The following TMEM167A variants were observed in gnomAD, a reference collection of about 807,000 sequenced individuals.
TMEM167A encodes the protein transmembrane protein 167A.
In TMEM167A, 8 loss-of-function variants were observed where a neutral mutation model predicts 11.6. The ratio of observed to expected loss-of-function variants is 0.69; its 90% CI spans 0.40 to 1.24. The LOEUF (loss-of-function observed/expected upper bound fraction) is 1.24, where lower values mean the gene tolerates loss of function less well. Among genes scored for constraint, TMEM167A ranks in the 50% most tolerant of loss-of-function variants. The pLI, the probability that TMEM167A is intolerant of heterozygous loss-of-function variation, is 0.01. For synonymous variants in TMEM167A, 22 were observed against 28.0 expected, an observed-to-expected ratio of 0.79 and a Z score of 0.67; for missense variants, 62 against 87.0, an observed-to-expected ratio of 0.71 and a Z score of 1.14.
chr5:83,060,292 C>T (rs926810648), intron 3 of TMEM167A, among the ~76,000 whole-genome samples: 55 of 151,764 alleles, frequency 3.6e-4, no homozygotes, highest in Non-Finnish European at 8.8e-5. Context: ...AAATGTCAAA[C>T]GTAGAAAAAA....
Position 83,064,963 on chromosome 5 carries a change from T to C in TMEM167A, c.113+45A>G, listed in dbSNP as rs1393033608. 2 of 1,104,366 alleles carry C rather than the reference T, an allele frequency of 1.8e-6. 1 individual carries two copies. Among genetic ancestry groups the C allele is most frequent in the South Asian group, 2.7e-5 (2 of 73,334 alleles). The allele number at this position is 1,104,366 out of a possible 1,614,324, so 68.4% of individuals were successfully genotyped here. On this transcript the variant is annotated intron_variant, in intron 2 of 3. Transcript: ENST00000502346. ...TTTATATGTTAACTTACATTGAACA[T>C]TTGTAAGAACTAATTTGGGTGATTA...
rs765151924 is a variant in TMEM167A, at chr5:83,077,324, A to T, written c.-1T>A. The T allele has an allele frequency of 3.7e-6, 6 of 1,614,136 alleles. No individual in the cohort carries two copies. Among genetic ancestry groups the T allele is most frequent in the Middle Eastern group, 1.6e-4 (1 of 6,062 alleles). On this transcript the variant is annotated 5_prime_UTR_variant, in exon 1 of 4. Transcript: ENST00000502346. ...ACCTGGGAGCCCCACTTCTTACCATAGCGAGGCCGGCGATGCCGCAGCCAC... is the reference window on the plus strand; with the variant it reads ...ACCTGGGAGCCCCACTTCTTACCATTGCGAGGCCGGCGATGCCGCAGCCAC...
rs1744310634 is a variant in TMEM167A at position 83,055,188 on chromosome 5, A to G, written c.*1896T>C. 1 of 152,150 alleles carries G rather than the reference A, an allele frequency of 6.6e-6. No individual in the cohort carries two copies. The highest frequency in any genetic ancestry group is 3.4e-3 in the Middle Eastern group (1 of 294). 9.4% of individuals were successfully genotyped at this position (152,150 alleles called of 1,614,324 possible). A position where few individuals can be genotyped will look rare whatever the true frequency, so the allele number is the denominator to read the frequency against. On this transcript the variant is annotated 3_prime_UTR_variant, in exon 4 of 4. Coordinates refer to ENST00000502346, the MANE Select transcript of TMEM167A (RefSeq NM_174909.5). ...ATGTTTCCACAAATTTTCCCCCAAAATTATCTCTTCCTTTACTTTCCACCT... is the reference window on the plus strand; with the variant it reads ...ATGTTTCCACAAATTTTCCCCCAAAGTTATCTCTTCCTTTACTTTCCACCT...
Position 83,065,039 on chromosome 5 carries a change from C to T in TMEM167A, c.82G>A (p.Ala28Thr), listed in dbSNP as rs1402281154. The T allele has an allele frequency of 3.1e-6, 5 of 1,606,176 alleles. No individual in the cohort carries two copies. The South Asian group carries it at 5.6e-5, about 18-fold the overall frequency. Residue 28 changes from alanine to threonine, a missense_variant, in exon 2 of 4, where the codon GCA becomes ACA. Coordinates refer to ENST00000502346, the MANE Select transcript of TMEM167A (RefSeq NM_174909.5). ...ICTCAYIRSL[A>T]PSLLDRNKTG... ...TTATTTCTGTCCAGGAGGCTGGGTG[C>T]CAAGGATCGAATATAAGCACAGGTA... is the stretch of plus-strand genomic sequence containing the variant.
intron 1 of TMEM167A, among the ~76,000 whole-genome samples, chr5:83,069,390 G>A (rs1385052628): frequency 6.6e-6 from 1 of 152,048 alleles, no homozygotes; most frequent in Non-Finnish European, 1.5e-5. Context: ...AGGGAAAGGA[G>A]GAATCTAAGA....
At chr5:83,069,030 G>A (rs1267802674) in intron 1 of TMEM167A, among the ~76,000 whole-genome samples, 1 of 152,154 alleles carries the variant, frequency 6.6e-6, no homozygotes, top group Non-Finnish European at 1.5e-5. Context: ...TTAAAAACAT[G>A]CCTATTAGGA....
At chr5:83,058,460 T>A (rs1744363198) in intron 3 of TMEM167A, among the ~76,000 whole-genome samples, 1 of 151,880 alleles carries the variant, frequency 6.6e-6, no homozygotes, top group Non-Finnish European at 1.5e-5. Context: ...AAAATAAAAA[T>A]CTTTTAAAAT....
chr5:83,064,781 G>A (rs1744458395), intron 2 of TMEM167A, among the ~76,000 whole-genome samples: 1 of 151,948 alleles, frequency 6.6e-6, no homozygotes, highest in African/African-American at 2.4e-5. Flanking sequence ...TCCCTCATGC[G>A]ATTTTTTACT....
intron 3 of TMEM167A, among the ~76,000 whole-genome samples, chr5:83,058,288 C>G (rs191120477): frequency 6.6e-6 from 1 of 152,098 alleles, no homozygotes. Flanking sequence ...AGTGTCTGCT[C>G]ATTGTTAATT....
At chr5:83,071,231 T>G (rs1288359008) in intron 1 of TMEM167A, 1 of 152,178 alleles carries the variant, frequency 6.6e-6, no homozygotes, top group Non-Finnish European at 1.5e-5. Context: ...GCTTCAAATG[T>G]TGACTGCCTC....
intron 2 of TMEM167A, among the ~76,000 whole-genome samples, chr5:83,062,176 G>T (rs772229555): frequency 2.0e-5 from 3 of 152,156 alleles, no homozygotes; most frequent in Admixed American, 6.5e-5. Flanking sequence ...GCAAATTAGT[G>T]AGAGTGGCAA....
intron 2 of TMEM167A, 64 bp from the exon 3 acceptor site, chr5:83,061,975 T>A: frequency 7.7e-7 from 1 of 1,297,668 alleles, no homozygotes; most frequent in Non-Finnish European, 1.1e-6. Flanking sequence ...ATTATTCTCT[T>A]GATATCATAT....
chr5:83,055,830 TTTC>T lies in TMEM167A; in HGVS notation c.*1251_*1253del, dbSNP rs1744323593. ...TTTTTTTGTTTAAAAAAAGGGAGAG[TTTC>T]TTCATTTTATCTTTATGATGAATTA... is the stretch of plus-strand genomic sequence containing the variant. On this transcript the variant is annotated 3_prime_UTR_variant, in exon 4 of 4. Coordinates refer to ENST00000502346, the MANE Select transcript of TMEM167A (RefSeq NM_174909.5). 1 of 151,748 alleles carries T rather than the reference TTTC, an allele frequency of 6.6e-6. No individual in the cohort carries two copies. Among genetic ancestry groups the T allele is most frequent in the African/African-American group, 2.4e-5 (1 of 41,328 alleles). 9.4% of individuals were successfully genotyped at this position (151,748 alleles called of 1,614,324 possible). A position where few individuals can be genotyped will look rare whatever the true frequency, so the allele number is the denominator to read the frequency against.
chr5:83,074,927 C>T (rs895088265), intron 1 of TMEM167A, among the ~76,000 whole-genome samples: 3 of 152,150 alleles, frequency 2.0e-5, no homozygotes, highest in South Asian at 2.1e-4. Flanking sequence ...TGTGCCACCA[C>T]GCCCGGCTAA....
chr5:83,057,743 GAA>G (rs1182485933), intron 3 of TMEM167A, among the ~76,000 whole-genome samples: 2 of 152,088 alleles, frequency 1.3e-5, no homozygotes, highest in East Asian at 3.8e-4. Flanking sequence ...CTCTGGGTTA[GAA>G]AAGTAGAACT....
intron 1 of TMEM167A, among the ~76,000 whole-genome samples, chr5:83,071,119 A>G (rs759187841): frequency 1.3e-5 from 2 of 152,148 alleles, no homozygotes; most frequent in African/African-American, 2.4e-5. Flanking sequence ...GGGTGACTAA[A>G]TCTACAGTAC....
At chr5:83,071,347 T>A in intron 1 of TMEM167A, 1 of 152,326 alleles carries the variant, frequency 6.6e-6, no homozygotes, top group Middle Eastern at 3.4e-3. Flanking sequence ...ACAATTTTAC[T>A]TGTATTAATA....
chr5:83,076,976 G>A (rs955113450), intron 1 of TMEM167A, among the ~76,000 whole-genome samples: 2 of 152,206 alleles, frequency 1.3e-5, no homozygotes, highest in Non-Finnish European at 2.9e-5. Flanking sequence ...GCGAGATAAG[G>A]AGTTGCAACA....
chr5:83,073,712 T>C (rs535644994), intron 1 of TMEM167A, among the ~76,000 whole-genome samples: 1 of 152,286 alleles, frequency 6.6e-6, no homozygotes, highest in South Asian at 2.1e-4. Flanking sequence ...AGAAAATCCA[T>C]GCAGACATGG....
Sources: gnomAD v4.1 joint callset for allele counts (sites outside exome capture counted in the v4.1 genomes callset) on GRCh38, gnomAD v4.1.1 for gene constraint, MANE v1.5 for transcripts, NCBI Gene and HGNC (gene_info 2026-07-23, HGNC 2026-07-21) for gene names.